The following PTPRD variants were observed in gnomAD, a reference collection of about 807,000 sequenced individuals.
PTPRD encodes receptor-type tyrosine-protein phosphatase delta.
In PTPRD, 34 loss-of-function variants were observed where a neutral mutation model predicts 214.5. That is an observed-to-expected ratio of 0.16 (90% CI 0.12 to 0.21). PTPRD has a LOEUF of 0.21. PTPRD is among the 10% of genes least tolerant of loss of function. The pLI is 1.00. For synonymous variants in PTPRD, 1,128 were observed against 845.7 expected (o/e 1.33, Z -5.79); for missense variants, 2,545 against 2,398.7 (o/e 1.06, Z -1.27).
intron 14 of PTPRD, among the ~76,000 whole-genome samples, chr9:8,582,096 G>C (rs1453053673): frequency 6.6e-6 from 1 of 152,002 alleles, no homozygotes; most frequent in African/African-American, 2.4e-5. Flanking sequence ...TTTGAAAATG[G>C]TAATGACAAA....
chr9:9,171,942 G>A (rs575502867), intron 10 of PTPRD, among the ~76,000 whole-genome samples: 2 of 152,132 alleles, frequency 1.3e-5, no homozygotes, highest in Non-Finnish European at 2.9e-5. Flanking sequence ...AAGCTAGGCT[G>A]TTTATGATAG....
At chr9:9,888,532 G>A (rs1278413542) in intron 5 of PTPRD, among the ~76,000 whole-genome samples, 1 of 152,110 alleles carries the variant, frequency 6.6e-6, no homozygotes, top group Admixed American at 6.6e-5. Flanking sequence ...TAATGAGTGA[G>A]ATCTAGCTCT....
chr9:8,434,393 A>T (rs1275816055), intron 35 of PTPRD, among the ~76,000 whole-genome samples: 1 of 152,220 alleles, frequency 6.6e-6, no homozygotes, highest in Non-Finnish European at 1.5e-5. Flanking sequence ...AATGGGCTAT[A>T]CCATATAGCT....
At chr9:9,716,863 C>G (rs1276700138) in intron 7 of PTPRD, among the ~76,000 whole-genome samples, 1 of 151,818 alleles carries the variant, frequency 6.6e-6, no homozygotes, top group Non-Finnish European at 1.5e-5. Context: ...AATGAGATCC[C>G]ATTTGTCAAT....
intron 10 of PTPRD, among the ~76,000 whole-genome samples, chr9:9,171,875 G>A (rs1283841595): frequency 2.0e-5 from 3 of 151,922 alleles, no homozygotes; most frequent in East Asian, 3.9e-4. Flanking sequence ...ATGATCTGCA[G>A]CAAAAATAAG....
intron 2 of PTPRD, among the ~76,000 whole-genome samples, chr9:10,573,800 A>T (rs72702837): frequency 0.16 from 24,420 of 152,150 alleles, 2,487 homozygotes; most frequent in East Asian, 0.5. Context: ...GAAGAAAGGC[A>T]AATGTGAGAG....
At chr9:9,441,240 A>T (rs533345095) in intron 8 of PTPRD, among the ~76,000 whole-genome samples, 1 of 152,280 alleles carries the variant, frequency 6.6e-6, no homozygotes, top group African/African-American at 2.4e-5. Flanking sequence ...GCGGTGTGGG[A>T]GGCATAACTA....
chr9:8,865,555 TCTTTTC>T (rs2098181616), intron 11 of PTPRD, among the ~76,000 whole-genome samples: 1 of 152,156 alleles, frequency 6.6e-6, no homozygotes, highest in Non-Finnish European at 1.5e-5. Flanking sequence ...GGGCTCTCAT[TCTTTTC>T]CTTTTCTTCT....
At chr9:9,773,311 C>T (rs149222070) in intron 5 of PTPRD, among the ~76,000 whole-genome samples, 1 of 152,208 alleles carries the variant, frequency 6.6e-6, no homozygotes, top group Non-Finnish European at 1.5e-5. Context: ...CACAGTTCTC[C>T]ATCCTCTTAG....
At chr9:8,352,302 T>C (rs925976599) in intron 39 of PTPRD, among the ~76,000 whole-genome samples, 1 of 152,184 alleles carries the variant, frequency 6.6e-6, no homozygotes, top group Non-Finnish European at 1.5e-5. Context: ...CCATTAGGCA[T>C]GGATAGAGCA....
intron 11 of PTPRD, among the ~76,000 whole-genome samples, chr9:8,771,288 GT>G (rs1193542146): frequency 6.6e-6 from 1 of 151,884 alleles, no homozygotes; most frequent in Admixed American, 6.6e-5. Flanking sequence ...ATTTACAAAA[GT>G]TTTTCCCATT....
intron 12 of PTPRD, among the ~76,000 whole-genome samples, chr9:8,638,889 G>A (rs1321339771): frequency 3.3e-5 from 5 of 151,910 alleles, no homozygotes; most frequent in African/African-American, 9.7e-5. Flanking sequence ...TGTCGCCAGG[G>A]TGGAGTGCAG....
chr9:10,275,370 C>T (rs1294873364), intron 3 of PTPRD, among the ~76,000 whole-genome samples: 1 of 151,958 alleles, frequency 6.6e-6, no homozygotes, highest in Non-Finnish European at 1.5e-5. Context: ...GATAGTTTAA[C>T]TTCTTTGAAA....
chr9:8,832,636 G>C (rs1003750588), intron 11 of PTPRD, among the ~76,000 whole-genome samples: 1 of 152,062 alleles, frequency 6.6e-6, no homozygotes, highest in Non-Finnish European at 1.5e-5. Flanking sequence ...TGTTAACAAA[G>C]TGATTTTGAT....
rs79563006 is a variant in PTPRD, at chr9:9,077,992, C to T, written c.-142-59257G>A. ...TGAATAAGAAAAAGGAAAAAGTTTA[C>T]GCTTTGTATTTTGTAAATGTATGCT... On this transcript the variant is annotated intron_variant, in intron 10 of 45. Coordinates refer to ENST00000381196, the MANE Select transcript of PTPRD (RefSeq NM_002839.4). Among the ~76,000 whole-genome samples, 822 of 152,106 alleles carry T rather than the reference C, an allele frequency of 5.4e-3. 8 individuals are homozygous for T. Among genetic ancestry groups the T allele is most frequent in the African/African-American group, 0.019 (771 of 41,498 alleles).
At chr9:10,381,715 C>G (rs1023710084) in intron 2 of PTPRD, among the ~76,000 whole-genome samples, 11 of 151,916 alleles carry the variant, frequency 7.2e-5, no homozygotes, top group African/African-American at 2.7e-4. Context: ...ACAAAGTTAT[C>G]TACAGATTTT....
intron 25 of PTPRD, 43 bp from the exon 26 acceptor site, chr9:8,497,311 G>GAAA (rs2097298732): frequency 1.3e-6 from 2 of 1,543,764 alleles, no homozygotes; most frequent in Non-Finnish European, 1.8e-6. Flanking sequence ...AAAATAAAAA[G>GAAA]AAAAAGAATT....
chr9:8,519,307 T>A (rs969314758), intron 20 of PTPRD, among the ~76,000 whole-genome samples: 2 of 152,212 alleles, frequency 1.3e-5, no homozygotes, highest in Non-Finnish European at 2.9e-5. Flanking sequence ...AGAGGTCTAA[T>A]TCTTTCTTTT....
At chr9:9,455,405 T>C (rs773273793) in intron 8 of PTPRD, among the ~76,000 whole-genome samples, 40 of 151,620 alleles carry the variant, frequency 2.6e-4, no homozygotes, top group Non-Finnish European at 4.1e-4. Context: ...TATACAATAT[T>C]ATATATTTAT....
Sources: gnomAD v4.1 joint callset for allele counts (sites outside exome capture counted in the v4.1 genomes callset) on GRCh38, gnomAD v4.1.1 for gene constraint, MANE v1.5 for transcripts, NCBI Gene and HGNC (gene_info 2026-07-23, HGNC 2026-07-21) for gene names.